Variants in SORCS2 observed in about 807,000 individuals in gnomAD.
SORCS2 encodes sortilin related VPS10 domain containing receptor 2, also known as VPS10 domain-containing receptor SorCS2.
In SORCS2, 100 loss-of-function variants were observed where a neutral mutation model predicts 141.6. The ratio of observed to expected loss-of-function variants is 0.71; its 90% CI spans 0.60 to 0.83. The LOEUF is 0.83. Among genes scored for constraint, SORCS2 ranks in the 40% least tolerant of loss-of-function variants. The pLI, the probability that SORCS2 is intolerant of heterozygous loss-of-function variation, is 0.00. For synonymous variants in SORCS2, 789 were observed against 676.9 expected (o/e 1.17, Z -2.57); for missense variants, 1,646 against 1,560.2 (o/e 1.05, Z -0.93).
chr4:7,293,520 G>A (rs1716753535), intron 1 of SORCS2, among the ~76,000 whole-genome samples: 1 of 152,190 alleles, frequency 6.6e-6, no homozygotes, highest in African/African-American at 2.4e-5. Context: ...TCCCCTGAGT[G>A]TGAATGCACC....
chr4:7,218,751 C>T (rs56276913), intron 1 of SORCS2, among the ~76,000 whole-genome samples: 32,314 of 152,174 alleles, frequency 0.21, 3,956 homozygotes, highest in African/African-American at 0.34. Context: ...AATATCATAA[C>T]GATGAATCCC....
In SORCS2 at chr4:7,562,922, C is replaced by T. The variant is rs146888119; in HGVS notation, c.648+31293C>T. On this transcript the variant is annotated intron_variant, in intron 3 of 26. Transcript: ENST00000507866. ...TAGGGTCTAGCCTATTCCAGGATGACCTTGTCTTCACTAATTATATCTGCA... is the reference window on the plus strand; with the variant it reads ...TAGGGTCTAGCCTATTCCAGGATGATCTTGTCTTCACTAATTATATCTGCA... 2.3e-3 allele frequency among the ~76,000 whole-genome samples: 356 copies of T among 152,320 alleles called. 6 individuals are homozygous for T. Among genetic ancestry groups the T allele is most frequent in the Admixed American group, 0.021 (314 of 15,290 alleles).
At chr4:7,728,566 C>T in intron 22 of SORCS2, 104 bp downstream of exon 22, 1 of 745,722 alleles carries the variant, frequency 1.3e-6, no homozygotes, top group Admixed American at 2.9e-5. Flanking sequence ...GCGGGTGGCA[C>T]TGCCCCCGCA....
intron 1 of SORCS2, among the ~76,000 whole-genome samples, chr4:7,272,499 G>A (rs540781704): frequency 6.6e-6 from 1 of 152,352 alleles, no homozygotes; most frequent in South Asian, 2.1e-4. Context: ...GTTTCTTTTT[G>A]TAAATGCATC....
chr4:7,639,118 G>A (rs1178717495), intron 4 of SORCS2, among the ~76,000 whole-genome samples: 1 of 152,198 alleles, frequency 6.6e-6, no homozygotes, highest in African/African-American at 2.4e-5. Flanking sequence ...GGGGGCTGGG[G>A]AGGGCCCAGT....
chr4:7,434,499 G>A, intron 2 of SORCS2: 1 of 1,612,390 alleles, frequency 6.2e-7, no homozygotes, highest in Non-Finnish European at 8.5e-7. Flanking sequence ...CCGGGGCACT[G>A]TCCGGGGCCC....
At chr4:7,659,012 C>T (rs573788650) in intron 5 of SORCS2, among the ~76,000 whole-genome samples, 9 of 152,282 alleles carry the variant, frequency 5.9e-5, no homozygotes, top group Admixed American at 4.6e-4. Flanking sequence ...ATGAGAGGGA[C>T]TGGTGTGGTA....
chr4:7,646,952 C>G (rs1302342506), intron 4 of SORCS2, among the ~76,000 whole-genome samples: 1 of 152,150 alleles, frequency 6.6e-6, no homozygotes, highest in African/African-American at 2.4e-5. Flanking sequence ...TTATGCTACA[C>G]CAGAGGGGGT....
At chr4:7,612,522 G>T (rs929855181) in intron 3 of SORCS2, among the ~76,000 whole-genome samples, 4 of 152,154 alleles carry the variant, frequency 2.6e-5, no homozygotes, top group African/African-American at 9.6e-5. Context: ...GGCTTGGGCT[G>T]GGGGAACCAG....
chr4:7,193,002 G>A lies in SORCS2; in HGVS notation c.356G>A (p.Arg119Gln). ...APAAGYRRWE[R>Q]AAPLAGVASR... ...GCCGCGGGCTACCGGCGCTGGGAGC[G>A]GGCGGCGCCGCTGGCCGGAGTGGCT... The change falls in exon 1 of 27, where the codon CGG (arginine) becomes CAG (glutamine). Residue 119 changes from arginine to glutamine, a missense_variant. Transcript: ENST00000507866. This position sits in a 1 kb window ranked among gnomAD's most constrained non-coding sequence, Gnocchi z 4.8. 4 of 1,462,452 alleles carry A rather than the reference G, an allele frequency of 2.7e-6. No homozygotes were observed. Among genetic ancestry groups the A allele is most frequent in the South Asian group, 1.3e-5 (1 of 75,850 alleles). The allele number at this position is 1,462,452 out of a possible 1,614,324, so 90.6% of individuals were successfully genotyped here.
At chr4:7,726,239 G>A (rs967341140) in intron 20 of SORCS2, among the ~76,000 whole-genome samples, 3 of 152,204 alleles carry the variant, frequency 2.0e-5, no homozygotes, top group Admixed American at 1.3e-4. Flanking sequence ...GGCCCAGCCC[G>A]GCAGCCACAT....
intron 1 of SORCS2, among the ~76,000 whole-genome samples, chr4:7,306,125 C>T (rs1045670956): frequency 6.6e-6 from 1 of 152,204 alleles, no homozygotes; most frequent in Non-Finnish European, 1.5e-5. Flanking sequence ...GTCCCCATCC[C>T]ACGCTCCCTG....
intron 2 of SORCS2, among the ~76,000 whole-genome samples, chr4:7,498,348 G>A (rs1183541907): frequency 1.3e-5 from 2 of 152,196 alleles, no homozygotes; most frequent in Non-Finnish European, 2.9e-5. Context: ...GCCCAGAGTG[G>A]GAGCACCTGC....
At position 7,698,820 on chromosome 4, in the gene SORCS2, C is replaced by A. The variant is rs570813487; in HGVS notation, c.1668+1546C>A. Among the ~76,000 whole-genome samples, 3 of 149,212 alleles carry A rather than the reference C, an allele frequency of 2.0e-5. No individual in the cohort carries two copies. In the East Asian group the frequency reaches 5.9e-4, roughly 29 times the overall value. Reference sequence around the variant, plus strand: ...CAGGCGCCCAAGGGGCAGGCCTGTGCGTGTGGCAGGGGAGGGAGAGATGCT... The same window carrying A: ...CAGGCGCCCAAGGGGCAGGCCTGTGAGTGTGGCAGGGGAGGGAGAGATGCT... On this transcript the variant is annotated intron_variant, in intron 12 of 26. Coordinates refer to ENST00000507866, the MANE Select transcript of SORCS2 (RefSeq NM_020777.3).
intron 1 of SORCS2, among the ~76,000 whole-genome samples, chr4:7,373,479 T>TATATATATATATAA (rs60434529): frequency 1.9e-4 from 3 of 15,522 alleles, no homozygotes; most frequent in African/African-American, 4.8e-4. Flanking sequence ...TATATATATA[T>TATATATATATATAA]TTTTTTTTTT....
intron 2 of SORCS2, among the ~76,000 whole-genome samples, chr4:7,491,638 A>G (rs1470724928): frequency 6.6e-6 from 1 of 152,196 alleles, no homozygotes; most frequent in East Asian, 1.9e-4. Context: ...CTGTGATCTC[A>G]TTTGTAACAG....
At chr4:7,577,993 G>A (rs1377375679) in intron 3 of SORCS2, among the ~76,000 whole-genome samples, 1 of 152,136 alleles carries the variant, frequency 6.6e-6, no homozygotes, top group African/African-American at 2.4e-5. Context: ...GAGATTATTT[G>A]TCCCTGCCAA....
chr4:7,430,779 C>T (rs1209577513), intron 2 of SORCS2: 2 of 152,270 alleles, frequency 1.3e-5, no homozygotes, highest in African/African-American at 2.4e-5. Flanking sequence ...ATCTCCTCTC[C>T]CACAGCTGGA....
intron 2 of SORCS2, among the ~76,000 whole-genome samples, chr4:7,479,408 A>T (rs1202186228): frequency 6.6e-6 from 1 of 151,750 alleles, no homozygotes; most frequent in Non-Finnish European, 1.5e-5. Context: ...AGATAAACAA[A>T]CCTGCTCCAA....
Sources: allele counts gnomAD v4.1 joint callset (sites outside exome capture counted in the v4.1 genomes callset), GRCh38; gene constraint gnomAD v4.1.1; non-coding constraint Gnocchi (gnomAD v3.1); transcripts MANE v1.5; gene names NCBI Gene and HGNC (gene_info 2026-07-23, HGNC 2026-07-21).